RORA: variants seen among roughly 807,000 people sequenced by gnomAD.
RORA encodes the protein RAR related orphan receptor A, also known as nuclear receptor ROR-alpha.
RORA carries 7 observed loss-of-function variants against 69.5 expected under a neutral mutation model. The observed-to-expected ratio is 0.10, with a 90% confidence interval of 0.06 to 0.19. The LOEUF (loss-of-function observed/expected upper bound fraction) is 0.19, where lower values mean the gene tolerates loss of function less well. Among genes scored for constraint, RORA ranks in the 10% least tolerant of loss-of-function variants. RORA has a pLI of 1.00. For synonymous variants in RORA, 261 were observed against 240.8 expected (o/e 1.08, Z -0.78); for missense variants, 457 against 663.0 (o/e 0.69, Z 3.41).
intron 1 of RORA, among the ~76,000 whole-genome samples, chr15:60,859,656 T>TTTCTTTC (rs1555458477): frequency 8.9e-5 from 10 of 112,534 alleles, no homozygotes; most frequent in Non-Finnish European, 1.7e-4. Context: ...TCTTTCTTTC[T>TTTCTTTC]TTTTTTTTTT....
intron 1 of RORA, among the ~76,000 whole-genome samples, chr15:60,946,916 C>CG (rs1892898895): frequency 6.6e-6 from 1 of 151,946 alleles, no homozygotes; most frequent in African/African-American, 2.4e-5. Flanking sequence ...TCTGCCCGGC[C>CG]CCGACCCCGT....
intron 1 of RORA, among the ~76,000 whole-genome samples, chr15:60,846,552 G>A (rs796862478): frequency 4.6e-5 from 7 of 152,284 alleles, no homozygotes; most frequent in African/African-American, 1.2e-4. Context: ...TAGAGCCACT[G>A]GTAATTTGAC....
chr15:60,779,657 CT>C (rs1189385829), intron 1 of RORA, among the ~76,000 whole-genome samples: 1 of 152,202 alleles, frequency 6.6e-6, no homozygotes, highest in Non-Finnish European at 1.5e-5. Flanking sequence ...CACACTTCTT[CT>C]ACAAAAGTCA....
intron 1 of RORA, among the ~76,000 whole-genome samples, chr15:60,830,258 G>C (rs2073023857): frequency 6.6e-6 from 1 of 152,166 alleles, no homozygotes; most frequent in African/African-American, 2.4e-5. Flanking sequence ...GGAAAATACA[G>C]ATCAGCTTAA....
chr15:61,228,881 C>T (rs1235419776), intron 1 of RORA, among the ~76,000 whole-genome samples, 172 bp downstream of exon 1: 3 of 150,520 alleles, frequency 2.0e-5, no homozygotes, highest in Non-Finnish European at 4.4e-5. Context: ...AAGTTTGCAA[C>T]ATTTCTGGGG....
chr15:61,127,897 G>A (rs960926564), intron 1 of RORA, among the ~76,000 whole-genome samples: 1 of 152,014 alleles, frequency 6.6e-6, no homozygotes, highest in African/African-American at 2.4e-5. Flanking sequence ...GCCAGCCACC[G>A]GACCCCCACA....
chr15:60,803,581 G>A (rs1231678080), intron 1 of RORA, among the ~76,000 whole-genome samples: 2 of 152,220 alleles, frequency 1.3e-5, no homozygotes, highest in Non-Finnish European at 2.9e-5. Flanking sequence ...CGGGAGGGAT[G>A]CCAGAGTGGC....
chr15:61,031,044 A>G (rs1001512450), intron 1 of RORA, among the ~76,000 whole-genome samples: 1 of 152,192 alleles, frequency 6.6e-6, no homozygotes, highest in African/African-American at 2.4e-5. Context: ...AAAACAGTTG[A>G]CATCAGTAAC....
At chr15:60,930,002 T>C (rs1039214891) in intron 1 of RORA, among the ~76,000 whole-genome samples, 16 of 152,192 alleles carry the variant, frequency 1.1e-4, no homozygotes, top group Admixed American at 6.5e-5. Flanking sequence ...ATGGAAATGC[T>C]CTCTATTTGT....
In RORA at chr15:60,511,465, G is replaced by C. The variant is rs200869327; in HGVS notation, c.581C>G (p.Thr194Arg). The C allele has an allele frequency of 1.2e-6, 2 of 1,614,008 alleles. No individual in the cohort carries two copies. Among genetic ancestry groups the C allele is most frequent in the South Asian group, 2.2e-5 (2 of 91,082 alleles). The change falls in exon 5 of 11, where the codon ACG (threonine) becomes AGG (arginine). Residue 194 changes from threonine (T) to arginine (R), a missense_variant. Around this residue, in one of 3 missense-constraint regions of RORA, gnomAD observed 304 missense variants for 447.4 expected, o/e 0.68. Transcript: ENST00000335670. This position sits in a 1 kb window ranked among gnomAD's most constrained non-coding sequence, Gnocchi z 6.4. ...PTYNISANGL[T>R]ELHDDLSNYI... ...GTTACTGAGGTCGTCGTGAAGTTCC[G>C]TCAGCCCGTTGGCCGAGATGTTGTA...
chr15:60,887,790 C>T (rs147357150), intron 1 of RORA, among the ~76,000 whole-genome samples: 293 of 152,226 alleles, frequency 1.9e-3, no homozygotes, highest in African/African-American at 6.8e-3. Flanking sequence ...ATGACCTTGC[C>T]GGCACCTTGC....
At chr15:61,046,282 G>A (rs944200467) in intron 1 of RORA, among the ~76,000 whole-genome samples, 4 of 152,214 alleles carry the variant, frequency 2.6e-5, no homozygotes, top group Admixed American at 2.6e-4. Context: ...TGTACACACA[G>A]GATGGCCCTT....
chr15:61,139,757 G>C (rs1043874550), intron 1 of RORA, among the ~76,000 whole-genome samples: 4 of 152,220 alleles, frequency 2.6e-5, no homozygotes, highest in African/African-American at 9.6e-5. Flanking sequence ...CAGGGCAGGA[G>C]AGACAGAGTG....
chr15:60,670,214 C>CTT (rs1168237283), intron 2 of RORA, among the ~76,000 whole-genome samples: 3 of 67,486 alleles, frequency 4.4e-5, no homozygotes, highest in African/African-American at 1.1e-4. Context: ...TTTTTTTTTT[C>CTT]TTTTTTTTTT....
At position 60,659,336 on chromosome 15, in the gene RORA, G is replaced by C. The variant is rs1464441720; in HGVS notation, c.196+19321C>G. 2.6e-5 allele frequency among the ~76,000 whole-genome samples: 4 copies of C among 152,182 alleles called. No individual in the cohort carries two copies. The South Asian group carries it at 8.3e-4, about 32-fold the overall frequency. ...AGCAAGTAGAACTGACTTTGAACAAGACACATTACACTGCCCTGAGAAAAC... is the reference window on the plus strand; with the variant it reads ...AGCAAGTAGAACTGACTTTGAACAACACACATTACACTGCCCTGAGAAAAC... On this transcript the variant is annotated intron_variant, in intron 2 of 10. Transcript: ENST00000335670.
At chr15:60,615,742 G>T (rs1207539487) in intron 2 of RORA, among the ~76,000 whole-genome samples, 1 of 152,160 alleles carries the variant, frequency 6.6e-6, no homozygotes, top group Non-Finnish European at 1.5e-5. Context: ...AACAATCAAC[G>T]CATGGCAACC....
rs2073369457 is a variant in RORA, at chr15:60,855,478, G to A, written c.167-176792C>T. Among the ~76,000 whole-genome samples the A allele has an allele frequency of 2.0e-5, 3 of 152,192 alleles. No individual in the cohort carries two copies. In the South Asian group the frequency reaches 6.2e-4, roughly 32 times the overall value. On this transcript the variant is annotated intron_variant, in intron 1 of 10. Transcript: ENST00000335670. ...TCATATTTAGTCATACACTTATGAG[G>A]GAGGACAACAGCAGAATTAGAGGCA...
intron 2 of RORA, among the ~76,000 whole-genome samples, chr15:60,580,326 C>A (rs2068155896): frequency 6.6e-6 from 1 of 152,162 alleles, no homozygotes; most frequent in South Asian, 2.1e-4. Flanking sequence ...CATCCACCCA[C>A]AAGGTTAATC....
Position 61,147,768 on chromosome 15 carries a change from T to C in RORA, c.166+81285A>G, listed in dbSNP as rs371196669. Among the ~76,000 whole-genome samples the C allele has an allele frequency of 0.17, 22,660 of 132,916 alleles. 1,879 individuals carry two copies. Among genetic ancestry groups the C allele is most frequent in the Non-Finnish European group, 0.19 (12,017 of 64,282 alleles). The allele number at this position is 132,916 out of a possible 152,430, so 87.2% of individuals were successfully genotyped here. ...GTCAGTAGGCACGTGCGCACACGCG[T>C]GTGTGTGTGTGTGTGTGTGTGTGTG... On this transcript the variant is annotated intron_variant, in intron 1 of 10. Transcript: ENST00000335670. The surrounding 1 kb of genome is among the most constrained non-coding windows in gnomAD (Gnocchi z 4.1).
Sources: gnomAD v4.1 joint callset for allele counts (sites outside exome capture counted in the v4.1 genomes callset) on GRCh38, gnomAD v4.1.1 for gene constraint, gnomAD v4.1.1 regional missense constraint, Gnocchi (gnomAD v3.1) non-coding constraint, MANE v1.5 for transcripts, NCBI Gene and HGNC (gene_info 2026-07-23, HGNC 2026-07-21) for gene names.